Variants in EEF2K observed in about 807,000 individuals in gnomAD.
The protein encoded by EEF2K is eukaryotic elongation factor 2 kinase.
EEF2K carries 70 observed loss-of-function variants against 93.8 expected under a neutral mutation model. The ratio of observed to expected loss-of-function variants is 0.75; its 90% CI spans 0.62 to 0.91. EEF2K has a LOEUF of 0.91. Among genes scored for constraint, EEF2K ranks in the 40% least tolerant of loss-of-function variants. EEF2K has a pLI of 0.00. For missense variants in EEF2K, 935 were observed against 972.9 expected (o/e 0.96, Z 0.52); for synonymous variants, 376 against 380.8 (o/e 0.99, Z 0.15).
chr16:22,272,956 A>G (rs1172096687), intron 15 of EEF2K, among the ~76,000 whole-genome samples: 1 of 152,214 alleles, frequency 6.6e-6, no homozygotes, highest in African/African-American at 2.4e-5. Context: ...GATTACAGGC[A>G]TGAGCCACCC....
intron 3 of EEF2K, among the ~76,000 whole-genome samples, chr16:22,245,565 G>A (rs997840846): frequency 6.6e-6 from 1 of 152,008 alleles, no homozygotes; most frequent in African/African-American, 2.4e-5. Flanking sequence ...GCTGAGAGGT[G>A]CGCTAAGGGA....
intron 4 of EEF2K, among the ~76,000 whole-genome samples, chr16:22,249,732 C>T (rs946775192): frequency 1.3e-5 from 2 of 151,814 alleles, no homozygotes; most frequent in African/African-American, 2.4e-5. Flanking sequence ...CTCAGCCTCC[C>T]GAGTAGCTCA....
At position 22,280,306 on chromosome 16, in the gene EEF2K, G is replaced by A; in HGVS notation, c.1998G>A (p.Met666Ile). ...YDGMQDEPRY[M>I]MLAREAEMLF... ...GAATGCAGGACGAGCCCCGGTACATGATGCTGGCCAGGGAGGCCGAGATGC... is the reference window on the plus strand; with the variant it reads ...GAATGCAGGACGAGCCCCGGTACATAATGCTGGCCAGGGAGGCCGAGATGC... Residue 666 changes from methionine to isoleucine, a missense_variant, in exon 17 of 18, where the codon ATG (methionine) becomes ATA (isoleucine). Coordinates refer to ENST00000263026, the MANE Select transcript of EEF2K (RefSeq NM_013302.5). The A allele has an allele frequency of 6.2e-7, 1 of 1,608,954 alleles. No homozygotes were observed. Among genetic ancestry groups the A allele is most frequent in the Non-Finnish European group, 8.5e-7 (1 of 1,177,730 alleles).
chr16:22,256,525 G>A (rs907491028), intron 6 of EEF2K, among the ~76,000 whole-genome samples: 3 of 152,076 alleles, frequency 2.0e-5, no homozygotes, highest in Admixed American at 6.6e-5. Flanking sequence ...GTAAGCCACC[G>A]TGCCCAGCCT....
chr16:22,260,406 C>A, intron 10 of EEF2K, 56 bp from the exon 11 acceptor site: 1 of 1,605,578 alleles, frequency 6.2e-7, no homozygotes, highest in South Asian at 1.1e-5. Flanking sequence ...GTGGGTTGGT[C>A]TTATGCATGT....
intron 6 of EEF2K, among the ~76,000 whole-genome samples, chr16:22,256,367 G>A (rs768586417): frequency 2.6e-5 from 4 of 151,978 alleles, no homozygotes; most frequent in Non-Finnish European, 5.9e-5. Context: ...CAAAGGGCTG[G>A]GATTACAGGT....
At chr16:22,214,363 G>A (rs1224239374) in intron 1 of EEF2K, among the ~76,000 whole-genome samples, 1 of 151,970 alleles carries the variant, frequency 6.6e-6, no homozygotes, top group African/African-American at 2.4e-5. Context: ...GATCACTTGA[G>A]CTTGGGAGAC....
chr16:22,214,757 G>T (rs1466201968), intron 1 of EEF2K, among the ~76,000 whole-genome samples: 1 of 152,202 alleles, frequency 6.6e-6, no homozygotes, highest in East Asian at 1.9e-4. Context: ...AGATTAAAGG[G>T]TTTTGCTAGT....
intron 2 of EEF2K, among the ~76,000 whole-genome samples, chr16:22,234,134 A>C (rs1380229596): frequency 3.3e-5 from 5 of 152,176 alleles, no homozygotes; most frequent in African/African-American, 1.2e-4. Context: ...TTGTGTGTTT[A>C]AACTGGGATA....
chr16:22,223,259 T>C (rs1344082222), intron 1 of EEF2K, among the ~76,000 whole-genome samples: 3 of 148,950 alleles, frequency 2.0e-5, no homozygotes, highest in Non-Finnish European at 4.4e-5. Context: ...GTTGTTTTTT[T>C]CTGTTTTTTT....
At chr16:22,256,624 C>T (rs751953174) in intron 6 of EEF2K, 124 bp from the exon 7 acceptor site, 1 of 1,131,376 alleles carries the variant, frequency 8.8e-7, no homozygotes, top group Non-Finnish European at 1.2e-6. Flanking sequence ...CAATAGAGAG[C>T]TAGTAAGTCA....
In EEF2K at chr16:22,225,625, C is replaced by A. The variant is rs902650320; in HGVS notation, c.-76-29C>A. The A allele has an allele frequency of 7.9e-6, 12 of 1,515,612 alleles. No homozygotes were observed. In the African/African-American group the frequency reaches 1.5e-4, roughly 19 times the overall value. 93.9% of individuals were successfully genotyped at this position (1,515,612 alleles called of 1,614,324 possible). On this transcript the variant is annotated intron_variant, in intron 1 of 17. Coordinates refer to ENST00000263026, the MANE Select transcript of EEF2K (RefSeq NM_013302.5). ...AATTCGCAGCCCTGGGCCCCAGCAC[C>A]CACTCTCTGGCCCTTGCTTTCCTTG...
chr16:22,281,965 T>C (rs2047697824), intron 17 of EEF2K, among the ~76,000 whole-genome samples: 1 of 152,142 alleles, frequency 6.6e-6, no homozygotes, highest in Non-Finnish European at 1.5e-5. Flanking sequence ...GTGGGTGGTT[T>C]AAACTAAAAA....
chr16:22,215,086 G>A (rs750937045), intron 1 of EEF2K, among the ~76,000 whole-genome samples: 5 of 152,134 alleles, frequency 3.3e-5, no homozygotes, highest in Non-Finnish European at 7.4e-5. Flanking sequence ...CTGAAGTGAA[G>A]TTACAAATGA....
chr16:22,245,976 A>C (rs2047286254), intron 3 of EEF2K, among the ~76,000 whole-genome samples: 1 of 152,030 alleles, frequency 6.6e-6, no homozygotes, highest in Non-Finnish European at 1.5e-5. Flanking sequence ...CTATGATTCA[A>C]TTCAATTCTG....
At chr16:22,247,248 C>T (rs1201205024) in intron 3 of EEF2K, among the ~76,000 whole-genome samples, 1 of 151,266 alleles carries the variant, frequency 6.6e-6, no homozygotes, top group East Asian at 1.9e-4. Context: ...CAAGATCAGC[C>T]TGGCCAACAT....
At chr16:22,274,077 G>T (rs998717001) in intron 16 of EEF2K, among the ~76,000 whole-genome samples, 1 of 152,110 alleles carries the variant, frequency 6.6e-6, no homozygotes, top group Non-Finnish European at 1.5e-5. Context: ...AGGCCAAGGC[G>T]GGCAGATCAC....
intron 3 of EEF2K, 139 bp from the exon 4 acceptor site, chr16:22,248,616 T>C: frequency 1.1e-6 from 1 of 905,196 alleles, no homozygotes; most frequent in Non-Finnish European, 1.7e-6. Context: ...CCCAGGAGGT[T>C]GGCTGGGCTA....
intron 1 of EEF2K, among the ~76,000 whole-genome samples, chr16:22,213,304 C>G (rs1181275015): frequency 6.6e-6 from 1 of 152,124 alleles, no homozygotes; most frequent in East Asian, 1.9e-4. Flanking sequence ...AGAAATTCCA[C>G]CAGATTCATT....
Sources: gnomAD v4.1 joint callset for allele counts (sites outside exome capture counted in the v4.1 genomes callset) on GRCh38, gnomAD v4.1.1 for gene constraint, MANE v1.5 for transcripts, NCBI Gene and HGNC (gene_info 2026-07-23, HGNC 2026-07-21) for gene names.